Variants in DYM observed in about 807,000 individuals in gnomAD.
DYM encodes dymeclin.
Under a neutral mutation model 93.1 loss-of-function variants are expected in DYM, and 78 were observed. That is an observed-to-expected ratio of 0.84 (90% CI 0.70 to 1.01). DYM has a LOEUF of 1.01. Ranked by LOEUF, DYM falls within the 50% of genes least tolerant of loss-of-function variation. DYM has a pLI of 0.00. For missense variants in DYM, 789 were observed against 845.0 expected (o/e 0.93, Z 0.82); for synonymous variants, 321 against 319.7 (o/e 1.00, Z -0.04).
chr18:49,446,163 T>C (rs568514308), intron 1 of DYM, among the ~76,000 whole-genome samples: 1 of 152,264 alleles, frequency 6.6e-6, no homozygotes, highest in South Asian at 2.1e-4. Context: ...GGCTCAGGCC[T>C]GTAATCCCAG....
intron 6 of DYM, among the ~76,000 whole-genome samples, chr18:49,362,291 A>T (rs2066101302): frequency 6.6e-6 from 1 of 152,152 alleles, no homozygotes; most frequent in Non-Finnish European, 1.5e-5. Flanking sequence ...TGAAGCTGGG[A>T]GTTCGAGACC....
At chr18:49,321,437 G>A (rs982014688) in intron 8 of DYM, 4 of 397,820 alleles carry the variant, frequency 1.0e-5, no homozygotes, top group African/African-American at 6.2e-5. Flanking sequence ...CCAATCCTGG[G>A]AACTGGTTTA....
intron 8 of DYM, among the ~76,000 whole-genome samples, chr18:49,316,289 C>A (rs1305239002): frequency 1.1e-4 from 17 of 150,668 alleles, no homozygotes; most frequent in African/African-American, 2.9e-4. Context: ...CACACACACA[C>A]AAAAAAAAAT....
chr18:49,389,089 A>G (rs1327158851), intron 3 of DYM, among the ~76,000 whole-genome samples: 2 of 152,234 alleles, frequency 1.3e-5, no homozygotes, highest in African/African-American at 4.8e-5. Context: ...TAAACAAAAT[A>G]TAAATAATAC....
intron 15 of DYM, among the ~76,000 whole-genome samples, chr18:49,138,841 C>A: frequency 6.6e-6 from 1 of 152,006 alleles, no homozygotes; most frequent in South Asian, 2.1e-4. Flanking sequence ...CAGGAAGTGT[C>A]CGATTTAAGT....
intron 17 of DYM, among the ~76,000 whole-genome samples, chr18:49,060,091 G>GA (rs1002899916): frequency 1.1e-4 from 16 of 151,754 alleles, no homozygotes; most frequent in Non-Finnish European, 1.0e-4. Flanking sequence ...AAATGCAAAT[G>GA]AAAAAAAATC....
intron 17 of DYM, among the ~76,000 whole-genome samples, chr18:49,059,087 C>G (rs908445640): frequency 6.6e-6 from 1 of 152,220 alleles, no homozygotes; most frequent in Non-Finnish European, 1.5e-5. Context: ...ATACGAAACA[C>G]TTTCTGATGA....
chr18:49,438,018 C>A (rs1214894485), intron 1 of DYM, among the ~76,000 whole-genome samples: 11 of 152,216 alleles, frequency 7.2e-5, no homozygotes, highest in Non-Finnish European at 1.3e-4. Flanking sequence ...AAGACCCCAT[C>A]TATACAAAAA....
At chr18:49,430,578 T>C (rs1401160695) in intron 1 of DYM, 131 bp from the exon 2 acceptor site, 3 of 731,680 alleles carry the variant, frequency 4.1e-6, no homozygotes, top group African/African-American at 3.6e-5. Flanking sequence ...AGACATCAGA[T>C]ACAAAGTTAC....
chr18:49,204,565 A>C (rs919646516), intron 14 of DYM, among the ~76,000 whole-genome samples: 2 of 152,256 alleles, frequency 1.3e-5, no homozygotes, highest in African/African-American at 4.8e-5. Context: ...AACCTAAGAA[A>C]TTAGAACTTA....
intron 2 of DYM, among the ~76,000 whole-genome samples, chr18:49,423,931 G>A (rs2074000608): frequency 6.6e-6 from 1 of 152,122 alleles, no homozygotes; most frequent in Non-Finnish European, 1.5e-5. Flanking sequence ...AAAAAGTCCA[G>A]GACCAGATGG....
intron 15 of DYM, among the ~76,000 whole-genome samples, chr18:49,149,659 T>C (rs563655691): frequency 1.5e-4 from 23 of 151,854 alleles, no homozygotes; most frequent in African/African-American, 5.3e-4. Flanking sequence ...ACTAAATATT[T>C]GTTGGATGAA....
At chr18:49,233,522 G>A (rs1179939536) in intron 13 of DYM, among the ~76,000 whole-genome samples, 2 of 152,016 alleles carry the variant, frequency 1.3e-5, no homozygotes, top group African/African-American at 4.8e-5. Context: ...CTAACCCTAT[G>A]TCCCTCTAAC....
chr18:49,081,071 G>A (rs1318030514), intron 17 of DYM, among the ~76,000 whole-genome samples: 1 of 151,454 alleles, frequency 6.6e-6, no homozygotes, highest in Admixed American at 6.6e-5. Flanking sequence ...GGGCGGCCAG[G>A]CAGAGACGCT....
intron 9 of DYM, among the ~76,000 whole-genome samples, chr18:49,283,885 G>A (rs2095052914): frequency 1.3e-5 from 2 of 152,148 alleles, no homozygotes; most frequent in Admixed American, 1.3e-4. Flanking sequence ...ACTATCCAGT[G>A]CCCTCACTTT....
rs1387304507 is a variant in DYM at position 49,286,057 on chromosome 18, T to C, written c.946+377A>G. Among the ~76,000 whole-genome samples, 4 of 152,046 alleles carry C rather than the reference T, an allele frequency of 2.6e-5. No homozygotes were observed. In the East Asian group the frequency reaches 7.7e-4, roughly 29 times the overall value. On this transcript the variant is annotated intron_variant, in intron 9 of 17. Transcript: ENST00000675505. ...GATTTGTGTTCTAATCTTTTTTTTT[T>C]GTTTTTGAGACCTAATTTTTAGTTC...
At chr18:49,110,650 G>A (rs1477484035) in intron 16 of DYM, among the ~76,000 whole-genome samples, 3 of 151,372 alleles carry the variant, frequency 2.0e-5, no homozygotes, top group Admixed American at 6.6e-5. Context: ...TTTTATCTTT[G>A]ATTTTCAGAT....
At chr18:49,141,835 T>C (rs1193355410) in intron 15 of DYM, among the ~76,000 whole-genome samples, 1 of 152,120 alleles carries the variant, frequency 6.6e-6, no homozygotes, top group African/African-American at 2.4e-5. Flanking sequence ...AAATATGACA[T>C]GAATAAAATC....
intron 17 of DYM, among the ~76,000 whole-genome samples, chr18:49,088,920 T>G (rs2078801630): frequency 6.6e-6 from 1 of 152,118 alleles, no homozygotes; most frequent in Non-Finnish European, 1.5e-5. Flanking sequence ...GCCCCCTGAA[T>G]AGTTGGGACT....
Sources: allele counts gnomAD v4.1 joint callset (sites outside exome capture counted in the v4.1 genomes callset), GRCh38; gene constraint gnomAD v4.1.1; transcripts MANE v1.5; gene names NCBI Gene and HGNC (gene_info 2026-07-23, HGNC 2026-07-21).